Variants in HMCES observed in about 807,000 individuals in gnomAD.
The protein encoded by HMCES is abasic site processing protein HMCES.
HMCES carries 27 observed loss-of-function variants against 35.1 expected under a neutral mutation model. The observed-to-expected ratio is 0.77, with a 90% CI of 0.57 to 1.06. HMCES has a LOEUF of 1.06. HMCES is among the 50% of genes least tolerant of loss of function. HMCES has a pLI of 0.00. For missense variants in HMCES, 391 were observed against 430.4 expected, an observed-to-expected ratio of 0.91 and a Z score of 0.81; for synonymous variants, 130 against 154.7, an observed-to-expected ratio of 0.84 and a Z score of 1.18.
chr3:129,301,906 C>A, intron 5 of HMCES, 44 bp from the exon 6 acceptor site: 1 of 1,500,172 alleles, frequency 6.7e-7, no homozygotes, highest in Non-Finnish European at 9.1e-7. Flanking sequence ...TCTCCTTATT[C>A]TCATGCTACC....
Position 129,304,909 on chromosome 3 carries a change from T to G in HMCES, c.*84T>G. On this transcript the variant is annotated 3_prime_UTR_variant, in exon 7 of 7. Coordinates refer to ENST00000383463, the MANE Select transcript of HMCES (RefSeq NM_020187.3). ...TCTTAACATTGTATGTATATGTGTTTGCTTTGGGAGGAGGTGGCACTGTGT... is the reference window on the plus strand; with the variant it reads ...TCTTAACATTGTATGTATATGTGTTGGCTTTGGGAGGAGGTGGCACTGTGT... The G allele has an allele frequency of 8.7e-7, 1 of 1,143,356 alleles. No homozygotes were observed. Among genetic ancestry groups the G allele is most frequent in the South Asian group, 1.3e-5 (1 of 75,470 alleles). 70.8% of individuals were successfully genotyped at this position (1,143,356 alleles called of 1,614,324 possible). A position where few individuals can be genotyped will look rare whatever the true frequency, so the allele number is the denominator to read the frequency against.
rs1017917426 is a variant in HMCES, at chr3:129,302,058, C to T, written c.744C>T (p.Thr248=). 1.9e-6 allele frequency: 3 copies of T among 1,614,174 alleles called. No individual in the cohort carries two copies. Among genetic ancestry groups the T allele is most frequent in the Non-Finnish European group, 2.5e-6 (3 of 1,180,008 alleles). The change falls in exon 6 of 7, where the codon ACC becomes ACT. Residue 248 remains threonine (T), a synonymous_variant. Transcript: ENST00000383463. ...TAATCCACCCAACAGAGAACATCAC[C>T]TTCCATGCAGTCTCTTCTGTGGTGA... ...LKLIHPTENI[T]FHAVSSVVNN... is the part of the protein sequence containing the mutation.
chr3:129,281,501 G>T (rs1940482199), intron 2 of HMCES, among the ~76,000 whole-genome samples: 1 of 151,952 alleles, frequency 6.6e-6, no homozygotes, highest in Admixed American at 6.6e-5. Flanking sequence ...GACCAGCCTG[G>T]CCAACATGGT....
intron 2 of HMCES, among the ~76,000 whole-genome samples, chr3:129,287,188 G>GTTT (rs201715773): frequency 2.9e-4 from 43 of 150,580 alleles, no homozygotes; most frequent in African/African-American, 9.7e-4. Context: ...TATGTACAGT[G>GTTT]TTTTTGTTTT....
chr3:129,282,659 G>A (rs1428013393), intron 2 of HMCES, among the ~76,000 whole-genome samples: 3 of 152,110 alleles, frequency 2.0e-5, no homozygotes, highest in Non-Finnish European at 4.4e-5. Flanking sequence ...ATTTTTCTCA[G>A]ACCTATAAAT....
rs1030928972 is a variant in HMCES, at chr3:129,301,842, C to T, written c.636-108C>T. 11 of 900,504 alleles carry T rather than the reference C, an allele frequency of 1.2e-5. No homozygotes were observed. In the African/African-American group the frequency reaches 1.5e-4, roughly 12 times the overall value. 55.8% of individuals were successfully genotyped at this position (900,504 alleles called of 1,614,324 possible). Reference sequence around the variant, plus strand: ...CAGCATGTGAGGCGCAGAGGGAGGGCAAGCTCCCCTTGTGATATTTGAGGT... The same window carrying T: ...CAGCATGTGAGGCGCAGAGGGAGGGTAAGCTCCCCTTGTGATATTTGAGGT... On this transcript the variant is annotated intron_variant, in intron 5 of 6. Transcript: ENST00000383463.
Position 129,302,121 on chromosome 3 carries a change from T to C in HMCES, c.807T>C (p.Pro269=). The change falls in exon 6 of 7, where the codon CCT becomes CCC. Residue 269 remains proline, a synonymous_variant. Transcript: ENST00000383463. Reference sequence around the variant, plus strand: ...ACAACACTCCTGAGTGTCTGGCTCCTGTCGACTTGGTGGTCAAAAAGGTAG... The same window carrying C: ...ACAACACTCCTGAGTGTCTGGCTCCCGTCGACTTGGTGGTCAAAAAGGTAG... ...SRNNTPECLA[P]VDLVVKKELR... The C allele has an allele frequency of 1.9e-6, 3 of 1,612,950 alleles. No individual in the cohort carries two copies. Among genetic ancestry groups the C allele is most frequent in the Middle Eastern group, 1.7e-4 (1 of 6,056 alleles).
At chr3:129,299,022 C>T (rs2071128352) in intron 5 of HMCES, among the ~76,000 whole-genome samples, 1 of 152,130 alleles carries the variant, frequency 6.6e-6, no homozygotes, top group Admixed American at 6.6e-5. Context: ...GTGGCGGGCT[C>T]CTGTAGTCCC....
chr3:129,300,707 G>A (rs1351772385), intron 5 of HMCES, among the ~76,000 whole-genome samples: 3 of 150,054 alleles, frequency 2.0e-5, no homozygotes, highest in South Asian at 2.1e-4. Context: ...CCATCCTGGC[G>A]AACACTGTGA....
At chr3:129,291,379 A>T (rs77875303) in intron 4 of HMCES, among the ~76,000 whole-genome samples, 1 of 152,106 alleles carries the variant, frequency 6.6e-6, no homozygotes, top group East Asian at 1.9e-4. Context: ...ATTAGCAATC[A>T]CTCTTTATTC....
intron 2 of HMCES, among the ~76,000 whole-genome samples, chr3:129,283,129 A>T (rs1349191648): frequency 6.6e-6 from 1 of 152,166 alleles, no homozygotes; most frequent in Admixed American, 6.5e-5. Context: ...CCCAGATCAG[A>T]GCAACCAAAG....
chr3:129,290,583 C>T, intron 3 of HMCES, 96 bp from the exon 4 acceptor site: 2 of 1,412,366 alleles, frequency 1.4e-6, no homozygotes, highest in Non-Finnish European at 1.9e-6. Flanking sequence ...CCGCCTGGCC[C>T]AAACCTCAGA....
intron 3 of HMCES, among the ~76,000 whole-genome samples, 169 bp downstream of exon 3, chr3:129,289,166 C>A (rs1463611568): frequency 1.3e-5 from 2 of 152,226 alleles, no homozygotes; most frequent in Non-Finnish European, 2.9e-5. Context: ...ACAAACCACA[C>A]CAGACTTAGT....
intron 6 of HMCES, among the ~76,000 whole-genome samples, chr3:129,304,376 C>A (rs982770637): frequency 6.6e-6 from 1 of 152,196 alleles, no homozygotes; most frequent in Non-Finnish European, 1.5e-5. Flanking sequence ...CCCACACAAT[C>A]CTCTGTGAAA....
chr3:129,291,600 C>T (rs897260488), intron 4 of HMCES, among the ~76,000 whole-genome samples: 2 of 152,194 alleles, frequency 1.3e-5, no homozygotes, highest in African/African-American at 4.8e-5. Flanking sequence ...TTTGTTAATT[C>T]ATTCATCAGT....
intron 2 of HMCES, among the ~76,000 whole-genome samples, chr3:129,285,822 C>T (rs760820159): frequency 1.3e-5 from 2 of 151,672 alleles, no homozygotes; most frequent in Non-Finnish European, 2.9e-5. Flanking sequence ...CTGCACCTCC[C>T]GAGCTCAAGC....
chr3:129,295,987 A>G (rs1429805563), intron 4 of HMCES, among the ~76,000 whole-genome samples: 1 of 152,056 alleles, frequency 6.6e-6, no homozygotes, highest in East Asian at 1.9e-4. Context: ...TAATTGTACC[A>G]TCGTTCTTGG....
intron 4 of HMCES, among the ~76,000 whole-genome samples, chr3:129,293,645 AC>A (rs1262859897): frequency 1.5e-5 from 2 of 133,718 alleles, no homozygotes; most frequent in Admixed American, 1.9e-4. Flanking sequence ...GTCTTAGCTC[AC>A]TGCAACCTCC....
At position 129,298,553 on chromosome 3, in the gene HMCES, G is replaced by T. The variant is rs369452921; in HGVS notation, c.635+18G>T. The T allele has an allele frequency of 4.2e-5, 68 of 1,607,312 alleles. 7 individuals are homozygous for T. The highest frequency in any genetic ancestry group is 2.3e-4 in the Admixed American group (14 of 59,750). ...CACCACAGGCAAGTCATACTTCTTA[G>T]CCCTGGATCCAAAAGGATCCAAAAG... On this transcript the variant is annotated intron_variant, in intron 5 of 6. Transcript: ENST00000383463.
Sources: gnomAD v4.1 joint callset for allele counts (sites outside exome capture counted in the v4.1 genomes callset) on GRCh38, gnomAD v4.1.1 for gene constraint, MANE v1.5 for transcripts, NCBI Gene and HGNC (gene_info 2026-07-23, HGNC 2026-07-21) for gene names.